The following TSR1 variants were observed in gnomAD, a reference collection of about 807,000 sequenced individuals.
TSR1 encodes the protein TSR1 ribosome maturation factor, also known as pre-rRNA-processing protein TSR1 homolog.
In TSR1, 81 loss-of-function variants were observed where a neutral mutation model predicts 90.9. The ratio of observed to expected loss-of-function variants is 0.89; its 90% CI spans 0.74 to 1.07. TSR1 has a LOEUF of 1.07. TSR1 is among the 50% of genes least tolerant of loss of function. The pLI, the probability that TSR1 is intolerant of heterozygous loss-of-function variation, is 0.00. For missense variants in TSR1, 989 were observed against 987.3 expected (o/e 1.00, Z -0.02); for synonymous variants, 362 against 348.8 (o/e 1.04, Z -0.42).
Position 2,333,465 on chromosome 17 carries a change from C to T in TSR1, c.1141+92G>A. The T allele has an allele frequency of 8.6e-6, 13 of 1,502,926 alleles. No individual in the cohort carries two copies. In the South Asian group the frequency reaches 1.5e-4, roughly 17 times the overall value. 93.1% of individuals were successfully genotyped at this position (1,502,926 alleles called of 1,614,324 possible). On this transcript the variant is annotated intron_variant, in intron 6 of 14. Transcript: ENST00000301364. ...GAGACTTTCAACTATACCCCCACCC[C>T]ACTCTATCCTATAGGGCCCTCACTT...
intron 11 of TSR1, among the ~76,000 whole-genome samples, chr17:2,327,138 G>A (rs933978793): frequency 2.0e-5 from 3 of 149,414 alleles, no homozygotes; most frequent in East Asian, 4.0e-4. Context: ...CGTAGAGGCC[G>A]GGCATGTTGG....
At chr17:2,333,983 G>C (rs966351454) in intron 5 of TSR1, among the ~76,000 whole-genome samples, 2 of 151,930 alleles carry the variant, frequency 1.3e-5, no homozygotes, top group African/African-American at 2.4e-5. Context: ...TTTCTTCAAG[G>C]TTCACATAAA....
chr17:2,324,761 C>T lies in TSR1; in HGVS notation c.2089G>A (p.Val697Ile), dbSNP rs756340285. Residue 697 changes from valine (V) to isoleucine (I), a missense_variant, in exon 13 of 15, where the codon GTT becomes ATT. Physicochemically the swap from Val to Ile is conservative, Grantham distance 29 (BLOSUM62 3). Transcript: ENST00000301364. The stretch of plus-strand genomic sequence containing the variant: ...TTGAAAGGATGACCACTCAGAACAA[C>T]TCTCTTGATGACCATTCTGTCTGGA... ...VDPDRMVIKR[V>I]VLSGHPFKIF... 6.8e-6 allele frequency: 11 copies of T among 1,614,196 alleles called. No individual in the cohort carries two copies. The Admixed American group carries it at 1.8e-4, about 27-fold the overall frequency.
Position 2,333,692 on chromosome 17 carries a change from C to A in TSR1, c.1006G>T (p.Asp336Tyr). 6.2e-7 allele frequency: 1 copy of A among 1,614,118 alleles called. No homozygotes were observed. ...MEICATDAVD[D>Y]MEEGLKVLMK... Reference sequence around the variant, plus strand: ...AGGACTTTAAGACCTTCTTCCATATCATCTACAGCATCCGTAGCACAAATC... The same window carrying A: ...AGGACTTTAAGACCTTCTTCCATATAATCTACAGCATCCGTAGCACAAATC... Residue 336 changes from aspartate (D) to tyrosine (Y), a missense_variant, in exon 6 of 15, where the codon GAT (aspartate) becomes TAT (tyrosine). Transcript: ENST00000301364.
In TSR1 at chr17:2,323,540, C is replaced by A; in HGVS notation, c.*656G>T. The A allele has an allele frequency of 2.5e-6, 3 of 1,221,586 alleles. No homozygotes were observed. The highest frequency in any genetic ancestry group is 2.4e-5 in the East Asian group (1 of 42,046). 75.7% of individuals were successfully genotyped at this position (1,221,586 alleles called of 1,614,324 possible). ...AGAATTAAAGAAAAGCTTTGGGAAG[C>A]GTGTGTACACAGTGATAAGAAAATT... is the stretch of plus-strand genomic sequence containing the variant. On this transcript the variant is annotated 3_prime_UTR_variant, in exon 15 of 15. Coordinates refer to ENST00000301364, the MANE Select transcript of TSR1 (RefSeq NM_018128.5).
rs2075552113 is a variant in TSR1 at position 2,323,509 on chromosome 17, A to G, written c.*687T>C. The stretch of plus-strand genomic sequence containing the variant: ...TAATGACAACCCTCTTGACAGAAGC[A>G]GAGTCAGAATTAAAGAAAAGCTTTG... On this transcript the variant is annotated 3_prime_UTR_variant, in exon 15 of 15. Coordinates refer to ENST00000301364, the MANE Select transcript of TSR1 (RefSeq NM_018128.5). 16 of 1,147,670 alleles carry G rather than the reference A, an allele frequency of 1.4e-5. No individual in the cohort carries two copies. Among genetic ancestry groups the G allele is most frequent in the South Asian group, 5.9e-5 (4 of 67,336 alleles). 71.1% of individuals were successfully genotyped at this position (1,147,670 alleles called of 1,614,324 possible).
rs200047082 is a variant in TSR1, at chr17:2,334,588, G to A, written c.865C>T (p.Leu289=). ...AAATCACCATATCCAACGATATGCAGCAACCTATTGACATTCAGAGTCTGC... is the reference window on the plus strand; with the variant it reads ...AAATCACCATATCCAACGATATGCAACAACCTATTGACATTCAGAGTCTGC... The part of the protein sequence containing the change: ...RGQTLNVNRL[L]HIVGYGDFQM... Residue 289 remains leucine (L), a synonymous_variant, in exon 5 of 15, where the codon CTG becomes TTG. Coordinates refer to ENST00000301364, the MANE Select transcript of TSR1 (RefSeq NM_018128.5). The A allele has an allele frequency of 8.7e-6, 14 of 1,614,130 alleles. No individual in the cohort carries two copies. In the East Asian group the frequency reaches 1.8e-4, roughly 21 times the overall value.
intron 11 of TSR1, among the ~76,000 whole-genome samples, chr17:2,326,401 T>C (rs1476053630): frequency 1.3e-5 from 2 of 152,064 alleles, no homozygotes; most frequent in African/African-American, 4.8e-5. Flanking sequence ...AGACAATCAT[T>C]TCTGCTGCAA....
In TSR1 at chr17:2,336,334, TGCC is replaced by T. The variant is rs1412782379; in HGVS notation, c.91_93del (p.Gly31del). 6.2e-7 allele frequency: 1 copy of T among 1,614,034 alleles called. No homozygotes were observed. Among genetic ancestry groups the T allele is most frequent in the African/African-American group, 1.3e-5 (1 of 74,944 alleles). ...TCCTTCTACGTTATCTCCTTACCCT[TGCC>T]GTCCCGCTGTGCAGATCCCCGACCC... On this transcript the variant is annotated inframe_deletion, in exon 1 of 15. Coordinates refer to ENST00000301364, the MANE Select transcript of TSR1 (RefSeq NM_018128.5).
rs758009416 is a variant in TSR1 at position 2,335,277 on chromosome 17, T to C, written c.539A>G (p.Gln180Arg). 4.3e-6 allele frequency: 7 copies of C among 1,613,974 alleles called. No homozygotes were observed. The highest frequency in any genetic ancestry group is 5.9e-6 in the Non-Finnish European group (7 of 1,179,992). ...TCACTTACTATAGGTCGGAAGGCCCTGAGCAAAGAGGCAGGAAAGACAGTA... is the reference window on the plus strand; with the variant it reads ...TCACTTACTATAGGTCGGAAGGCCCCGAGCAAAGAGGCAGGAAAGACAGTA... ...GDYCLSCLFA[Q>R]GLPTYTLAVQ... Residue 180 changes from glutamine (Q) to arginine (R), a missense_variant, in exon 4 of 15, where the codon CAG becomes CGG. Gln to Arg is a conservative substitution (Grantham distance 43, BLOSUM62 1). Coordinates refer to ENST00000301364, the MANE Select transcript of TSR1 (RefSeq NM_018128.5).
intron 11 of TSR1, 91 bp from the exon 12 acceptor site, chr17:2,325,511 T>A: frequency 1.0e-6 from 1 of 976,634 alleles, no homozygotes; most frequent in Non-Finnish European, 1.5e-6. Context: ...GTGCAACTCT[T>A]AAACCTATGG....
intron 5 of TSR1, 138 bp from the exon 6 acceptor site, chr17:2,333,854 T>C (rs2064025521): frequency 1.9e-6 from 2 of 1,066,928 alleles, no homozygotes; most frequent in South Asian, 1.6e-5. Context: ...GTCAAAACTT[T>C]TCCAATGGCT....
intron 8 of TSR1, 91 bp from the exon 9 acceptor site, chr17:2,331,200 C>T (rs1215163484): frequency 1.9e-6 from 2 of 1,062,294 alleles, no homozygotes; most frequent in Admixed American, 3.0e-5. Flanking sequence ...AAGGAGCTAG[C>T]TGAAAAGAAC....
chr17:2,328,180 T>C (rs1233221913), intron 11 of TSR1, among the ~76,000 whole-genome samples: 3 of 145,212 alleles, frequency 2.1e-5, no homozygotes, highest in Non-Finnish European at 4.5e-5. Context: ...AAGGCAGAGG[T>C]TGCAGTGAGC....
At position 2,323,969 on chromosome 17, in the gene TSR1, T is replaced by A. The variant is rs2075556980; in HGVS notation, c.*227A>T. On this transcript the variant is annotated 3_prime_UTR_variant, in exon 15 of 15. Coordinates refer to ENST00000301364, the MANE Select transcript of TSR1 (RefSeq NM_018128.5). ...CAACTCTTAGTTATCAGATTCTTAA[T>A]GGAGAGTGGCTATTTCATTAAGATT... 2.4e-6 allele frequency: 3 copies of A among 1,226,468 alleles called. No homozygotes were observed. The African/African-American group carries it at 4.5e-5, about 19-fold the overall frequency. The allele number at this position is 1,226,468 out of a possible 1,614,324, so 76.0% of individuals were successfully genotyped here.
intron 5 of TSR1, 129 bp from the exon 6 acceptor site, chr17:2,333,845 T>C: frequency 8.6e-7 from 1 of 1,157,998 alleles, no homozygotes; most frequent in Non-Finnish European, 1.2e-6. Context: ...CTAAAACTTG[T>C]CAAAACTTTT....
Position 2,324,679 on chromosome 17 carries a change from T to G in TSR1, c.2161+10A>C, listed in dbSNP as rs2075563795. The G allele has an allele frequency of 1.9e-6, 3 of 1,614,032 alleles. No individual in the cohort carries two copies. Among genetic ancestry groups the G allele is most frequent in the Non-Finnish European group, 2.5e-6 (3 of 1,179,994 alleles). On this transcript the variant is annotated intron_variant, in intron 13 of 14. Coordinates refer to ENST00000301364, the MANE Select transcript of TSR1 (RefSeq NM_018128.5). ...GGCAATCAGATCCCATCCTCCTCCT[T>G]CATACCCACCTCTGTTGAAGAACAT...
At chr17:2,332,565 G>C (rs142347277) in intron 7 of TSR1, among the ~76,000 whole-genome samples, 1 of 152,140 alleles carries the variant, frequency 6.6e-6, no homozygotes, top group Non-Finnish European at 1.5e-5. Context: ...GGCCGGGTGC[G>C]GTGGCTCACG....
intron 11 of TSR1, 125 bp from the exon 12 acceptor site, chr17:2,325,545 C>T (rs2075571396): frequency 1.4e-6 from 1 of 705,438 alleles, no homozygotes; most frequent in African/African-American, 1.8e-5. Context: ...TCTAAACCAC[C>T]AGTTCTCAAA....
Sources: allele counts gnomAD v4.1 joint callset (sites outside exome capture counted in the v4.1 genomes callset), GRCh38; gene constraint gnomAD v4.1.1; transcripts MANE v1.5; gene names NCBI Gene and HGNC (gene_info 2026-07-23, HGNC 2026-07-21).